GLIS1: variants seen among roughly 807,000 people sequenced by gnomAD.
The protein encoded by GLIS1 is zinc finger protein GLIS1.
In GLIS1, 24 loss-of-function variants were observed where a neutral mutation model predicts 63.8. The observed-to-expected ratio is 0.38, with a 90% CI of 0.27 to 0.53. GLIS1 has a LOEUF of 0.53. Among genes scored for constraint, GLIS1 ranks in the 20% least tolerant of loss-of-function variants. The pLI is 0.85. For missense variants in GLIS1, 1,036 were observed against 1,074.1 expected, an observed-to-expected ratio of 0.96 and a Z score of 0.50; for synonymous variants, 450 against 482.5, an observed-to-expected ratio of 0.93 and a Z score of 0.88.
At chr1:53,734,011 C>T in intron 2 of GLIS1, 1 of 985,016 alleles carries the variant, frequency 1.0e-6, no homozygotes, top group Non-Finnish European at 1.2e-6. Context: ...AACATCATGA[C>T]TTACTGTCCA....
At chr1:53,509,032 G>A (rs1644267257) in intron 10 of GLIS1, 88 bp downstream of exon 10, 1 of 1,313,226 alleles carries the variant, frequency 7.6e-7, no homozygotes, top group Non-Finnish European at 1.0e-6. Context: ...AGCATCCAAA[G>A]GCTGCAGGAC....
chr1:53,682,271 C>G (rs80203671), intron 2 of GLIS1, among the ~76,000 whole-genome samples: 128 of 152,344 alleles, frequency 8.4e-4, no homozygotes, highest in African/African-American at 3.0e-3. Flanking sequence ...CAGCAAGCAG[C>G]CGCTGACACA....
At chr1:53,513,187 G>A (rs1644315802) in intron 8 of GLIS1, among the ~76,000 whole-genome samples, 1 of 151,962 alleles carries the variant, frequency 6.6e-6, no homozygotes, top group Non-Finnish European at 1.5e-5. Context: ...TGCCCAGCTC[G>A]GATTTCCTAC....
intron 4 of GLIS1, among the ~76,000 whole-genome samples, chr1:53,538,342 G>A (rs188232420): frequency 2.3e-4 from 35 of 152,332 alleles, no homozygotes; most frequent in Admixed American, 6.5e-4. Context: ...GGACTGAGCA[G>A]AACAGCAGCT....
chr1:53,630,498 T>A (rs1348960477), intron 2 of GLIS1, among the ~76,000 whole-genome samples: 2 of 1,538 alleles, frequency 1.3e-3, no homozygotes, highest in Non-Finnish European at 0.17. Context: ...AATTTCTTTC[T>A]TTTTTTTTTT....
chr1:53,664,288 C>G (rs1014656585), intron 2 of GLIS1, among the ~76,000 whole-genome samples: 2 of 152,128 alleles, frequency 1.3e-5, no homozygotes, highest in Non-Finnish European at 2.9e-5. Context: ...TCCCACACAC[C>G]CCCTCCAGGA....
rs141209571 is a variant in GLIS1 at position 53,506,300 on chromosome 1, G to A, written c.*319C>T. ...AAAAATATAAAACTGGCAGGGGAACGGAAAACAAGTTCTGCATATTTTATA... is the reference window on the plus strand; with the variant it reads ...AAAAATATAAAACTGGCAGGGGAACAGAAAACAAGTTCTGCATATTTTATA... On this transcript the variant is annotated 3_prime_UTR_variant, in exon 11 of 11. Coordinates refer to ENST00000628545, the MANE Select transcript of GLIS1 (RefSeq NM_001367484.1). 1.2e-5 allele frequency: 4 copies of A among 325,262 alleles called. No homozygotes were observed. The highest frequency in any genetic ancestry group is 6.3e-5 in the African/African-American group (3 of 47,706). 20.1% of individuals were successfully genotyped at this position (325,262 alleles called of 1,614,324 possible). A position where few individuals can be genotyped will look rare whatever the true frequency, so the allele number is the denominator to read the frequency against.
At chr1:53,707,896 C>T (rs565943526) in intron 2 of GLIS1, among the ~76,000 whole-genome samples, 3 of 151,826 alleles carry the variant, frequency 2.0e-5, no homozygotes, top group East Asian at 2.0e-4. Flanking sequence ...AGATGGCACT[C>T]GTGTACCCCT....
intron 2 of GLIS1, among the ~76,000 whole-genome samples, chr1:53,609,027 A>G (rs543642450): frequency 1.3e-5 from 2 of 152,298 alleles, no homozygotes; most frequent in East Asian, 3.9e-4. Flanking sequence ...CAGCAGAGAA[A>G]CTAAGTCACA....
Position 53,520,703 on chromosome 1 carries a change from G to A in GLIS1, c.1657C>T (p.His553Tyr), listed in dbSNP as rs138955529. 160 of 1,607,378 alleles carry A rather than the reference G, an allele frequency of 1.0e-4. No individual in the cohort carries two copies. In the African/African-American group the frequency reaches 1.8e-3, roughly 18 times the overall value. Reference sequence around the variant, plus strand: ...CTGGCAGCCAGCTGTGTGGACGTGTGGAGCTGCTGCAGGACCAGACACTCG... The same window carrying A: ...CTGGCAGCCAGCTGTGTGGACGTGTAGAGCTGCTGCAGGACCAGACACTCG... ...LTECLVLQQL[H>Y]TSTQLAASDG... Residue 553 changes from histidine to tyrosine, a missense_variant, in exon 7 of 11, where the codon CAC (histidine) becomes TAC (tyrosine). By Grantham distance (83) the His-to-Tyr change is moderately conservative (BLOSUM62 2). Around this residue, in one of 3 missense-constraint regions of GLIS1, gnomAD observed 400 missense variants for 400.9 expected, o/e 1.00. Coordinates refer to ENST00000628545, the MANE Select transcript of GLIS1 (RefSeq NM_001367484.1).
At chr1:53,568,816 C>T (rs1231919418) in intron 4 of GLIS1, among the ~76,000 whole-genome samples, 1 of 152,192 alleles carries the variant, frequency 6.6e-6, no homozygotes, top group Non-Finnish European at 1.5e-5. Context: ...GTCACGCTTC[C>T]TGTTAAGCCT....
At chr1:53,621,410 G>A (rs1569934261) in intron 2 of GLIS1, among the ~76,000 whole-genome samples, 1 of 152,236 alleles carries the variant, frequency 6.6e-6, no homozygotes, top group African/African-American at 2.4e-5. Context: ...CTCACAGCCC[G>A]GCCCCAGACA....
At chr1:53,728,864 G>A (rs1445404977) in intron 2 of GLIS1, among the ~76,000 whole-genome samples, 2 of 152,232 alleles carry the variant, frequency 1.3e-5, no homozygotes, top group Non-Finnish European at 2.9e-5. Context: ...CAGATCAAAG[G>A]GCTCAGATTT....
Position 53,711,567 on chromosome 1 carries a change from C to CT in GLIS1, c.259+26238dup, listed in dbSNP as rs35001852. On this transcript the variant is annotated intron_variant, in intron 2 of 10. Transcript: ENST00000628545. ...AGCTCGGGCCCCGGGGTCCGCCAAGCTAAGTTCAGAGCACAGCTCTTTCTT... is the reference window on the plus strand; with the variant it reads ...AGCTCGGGCCCCGGGGTCCGCCAAGCTTAAGTTCAGAGCACAGCTCTTTCTT... Among the ~76,000 whole-genome samples, 1,124 of 152,340 alleles carry CT rather than the reference C, an allele frequency of 7.4e-3. 22 individuals carry two copies. The highest frequency in any genetic ancestry group is 0.024 in the African/African-American group (1,015 of 41,572).
chr1:53,586,096 G>A lies in GLIS1; in HGVS notation c.1320+8012C>T, dbSNP rs555062259. Among the ~76,000 whole-genome samples, 17 of 152,256 alleles carry A rather than the reference G, an allele frequency of 1.1e-4. No individual in the cohort carries two copies. The South Asian group carries it at 3.1e-3, about 28-fold the overall frequency. On this transcript the variant is annotated intron_variant, in intron 4 of 10. Transcript: ENST00000628545. ...CTCTGCACAGTGGCTGGTGGGGGAC[G>A]AGGCTCTGACCTAATTGCAAGGCCA...
intron 2 of GLIS1, among the ~76,000 whole-genome samples, chr1:53,637,192 C>A (rs1335805663): frequency 6.6e-6 from 1 of 151,370 alleles, no homozygotes; most frequent in African/African-American, 2.4e-5. Context: ...GGCAGGCTGG[C>A]AATGGCCACA....
chr1:53,668,345 C>G (rs114808930), intron 2 of GLIS1, among the ~76,000 whole-genome samples: 2,132 of 152,220 alleles, frequency 0.014, 36 homozygotes, highest in African/African-American at 0.047. Flanking sequence ...TATTTTTACT[C>G]TACCTTTCCT....
intron 2 of GLIS1, among the ~76,000 whole-genome samples, chr1:53,690,407 A>G (rs1274688905): frequency 6.6e-6 from 1 of 152,236 alleles, no homozygotes; most frequent in East Asian, 1.9e-4. Context: ...CATATGAGAC[A>G]TGGCGGGGGC....
At chr1:53,627,348 G>A (rs573325566) in intron 2 of GLIS1, among the ~76,000 whole-genome samples, 1 of 152,112 alleles carries the variant, frequency 6.6e-6, no homozygotes, top group African/African-American at 2.4e-5. Flanking sequence ...CGTGGGCACC[G>A]GACCGCTTCC....
Sources: allele counts gnomAD v4.1 joint callset (sites outside exome capture counted in the v4.1 genomes callset), GRCh38; gene constraint gnomAD v4.1.1; regional missense constraint gnomAD v4.1.1; transcripts MANE v1.5; gene names NCBI Gene and HGNC (gene_info 2026-07-23, HGNC 2026-07-21).